The following ARHGAP26 variants were observed in gnomAD, a reference collection of about 807,000 sequenced individuals.
ARHGAP26 encodes the protein rho GTPase-activating protein 26.
In ARHGAP26, 38 loss-of-function variants were observed where a neutral mutation model predicts 104.8. The ratio of observed to expected loss-of-function variants is 0.36; its 90% confidence interval spans 0.28 to 0.48. The LOEUF is 0.48. Among genes scored for constraint, ARHGAP26 ranks in the 20% least tolerant of loss-of-function variants. ARHGAP26 has a pLI of 0.99. For synonymous variants in ARHGAP26, 341 were observed against 340.0 expected (o/e 1.00, Z -0.03); for missense variants, 704 against 947.9 (o/e 0.74, Z 3.38).
intron 17 of ARHGAP26, among the ~76,000 whole-genome samples, chr5:143,095,950 A>G (rs1792246382): frequency 6.6e-6 from 1 of 152,256 alleles, no homozygotes; most frequent in Non-Finnish European, 1.5e-5. Context: ...AAAGGAAGAA[A>G]TATTTTTAGT....
At position 143,227,148 on chromosome 5, in the gene ARHGAP26, C is replaced by T. The variant is rs541538332; in HGVS notation, c.*4702C>T. 4.3e-6 allele frequency: 1 copy of T among 230,310 alleles called. No homozygotes were observed. The highest frequency in any genetic ancestry group is 1.8e-4 in the South Asian group (1 of 5,510). 14.3% of individuals were successfully genotyped at this position (230,310 alleles called of 1,614,324 possible). On this transcript the variant is annotated 3_prime_UTR_variant, in exon 23 of 23. Transcript: ENST00000645722. ...AGTCTGGATGACTGAGTTTTGTGGA[C>T]ATGGCACTCCCGGAGACAGCAGTGG...
chr5:143,035,524 T>G (rs984572653), intron 12 of ARHGAP26, among the ~76,000 whole-genome samples: 5 of 151,786 alleles, frequency 3.3e-5, no homozygotes, highest in African/African-American at 1.2e-4. Flanking sequence ...ACAATGGACT[T>G]TGGGGACGTG....
intron 17 of ARHGAP26, among the ~76,000 whole-genome samples, chr5:143,108,531 G>T (rs1794352383): frequency 6.6e-6 from 1 of 152,152 alleles, no homozygotes. Flanking sequence ...CACTTTGGTA[G>T]ACTGGCCCTT....
intron 12 of ARHGAP26, among the ~76,000 whole-genome samples, chr5:143,034,765 A>G (rs1250731920): frequency 6.6e-6 from 1 of 152,178 alleles, no homozygotes; most frequent in Non-Finnish European, 1.5e-5. Context: ...TGTTATTTAA[A>G]AAAAAAAAAT....
intron 5 of ARHGAP26, 42 bp downstream of exon 5, chr5:142,885,441 G>A (rs774828237): frequency 6.5e-7 from 1 of 1,537,274 alleles, no homozygotes; most frequent in Non-Finnish European, 9.0e-7. Flanking sequence ...TGTTCAATTT[G>A]TACATGATGC....
chr5:143,174,133 C>T (rs1302242682), intron 20 of ARHGAP26, among the ~76,000 whole-genome samples: 1 of 152,148 alleles, frequency 6.6e-6, no homozygotes, highest in Admixed American at 6.5e-5. Flanking sequence ...TCATTCAGTG[C>T]CTCTTCTGTT....
intron 15 of ARHGAP26, among the ~76,000 whole-genome samples, chr5:143,055,557 C>T (rs1289344061): frequency 6.6e-6 from 1 of 152,156 alleles, no homozygotes; most frequent in Non-Finnish European, 1.5e-5. Flanking sequence ...GTTAGGGGTT[C>T]TAGCATTCTG....
At chr5:142,772,880 C>T (rs1465539541) in intron 1 of ARHGAP26, 1 of 533,446 alleles carries the variant, frequency 1.9e-6, no homozygotes, top group Middle Eastern at 3.2e-4. Flanking sequence ...AGTTTTCCTA[C>T]CACTAGTTTT....
At chr5:143,169,312 A>G (rs1266788686) in intron 20 of ARHGAP26, among the ~76,000 whole-genome samples, 1 of 152,210 alleles carries the variant, frequency 6.6e-6, no homozygotes, top group Non-Finnish European at 1.5e-5. Context: ...TTAGGCTAAA[A>G]TGGAACTTAC....
At chr5:143,004,017 C>CAAAAAAAAAAAAAAAAAAAA (rs144058530) in intron 11 of ARHGAP26, among the ~76,000 whole-genome samples, 1 of 118,176 alleles carries the variant, frequency 8.5e-6, no homozygotes. Flanking sequence ...AATTTATAGA[C>CAAAAAAAAAAAAAAAAAAAA]AAAAAAAAAA....
chr5:142,962,072 A>C (rs1446925655), intron 11 of ARHGAP26, among the ~76,000 whole-genome samples: 1 of 152,236 alleles, frequency 6.6e-6, no homozygotes, highest in Non-Finnish European at 1.5e-5. Flanking sequence ...GAGAAACTTC[A>C]AAAGCAAAGC....
chr5:142,956,946 C>T (rs1288311001), intron 11 of ARHGAP26, among the ~76,000 whole-genome samples: 2 of 152,170 alleles, frequency 1.3e-5, no homozygotes, highest in Non-Finnish European at 2.9e-5. Context: ...CAATTATCTC[C>T]CCCTGGGTCC....
intron 5 of ARHGAP26, among the ~76,000 whole-genome samples, chr5:142,889,788 G>A (rs1180668067): frequency 6.6e-6 from 1 of 151,942 alleles, no homozygotes; most frequent in Non-Finnish European, 1.5e-5. Flanking sequence ...GGTTGTGAGT[G>A]TGTCGCAAAA....
intron 17 of ARHGAP26, among the ~76,000 whole-genome samples, chr5:143,096,379 A>G (rs1792314504): frequency 6.6e-6 from 1 of 152,240 alleles, no homozygotes; most frequent in African/African-American, 2.4e-5. Context: ...ATTGCAACAA[A>G]TATTACTGTT....
rs771986560 is a variant in ARHGAP26, at chr5:143,149,455, G to A, written c.1988+2074G>A. On this transcript the variant is annotated intron_variant, in intron 20 of 22. Transcript: ENST00000645722. ...CCCCATAAGCTCTGCAGGCAGGCTC[G>A]CAGCCACTTCTCAAACCCCAGGCAG... Among the ~76,000 whole-genome samples the A allele has an allele frequency of 1.3e-4, 20 of 152,254 alleles. No individual in the cohort carries two copies. The East Asian group carries it at 2.1e-3, about 16-fold the overall frequency.
chr5:143,222,163 CA>C (rs1339014586), intron 22 of ARHGAP26, among the ~76,000 whole-genome samples, 194 bp from the exon 23 acceptor site: 1 of 152,120 alleles, frequency 6.6e-6, no homozygotes, highest in East Asian at 1.9e-4. Context: ...TTATATTCCA[CA>C]AAAGGTTCAG....
Position 143,150,718 on chromosome 5 carries a change from A to G in ARHGAP26, c.1988+3337A>G, listed in dbSNP as rs533283126. On this transcript the variant is annotated intron_variant, in intron 20 of 22. Transcript: ENST00000645722. ...TTCATGCTGGAACAACTGGACATCCATATACACAAAAATGAATCTAGATAC... is the reference window on the plus strand; with the variant it reads ...TTCATGCTGGAACAACTGGACATCCGTATACACAAAAATGAATCTAGATAC... Among the ~76,000 whole-genome samples, 192 of 152,394 alleles carry G rather than the reference A, an allele frequency of 1.3e-3. 1 individual carries two copies. The highest frequency in any genetic ancestry group is 4.4e-3 in the African/African-American group (183 of 41,596).
chr5:143,062,073 G>A (rs1786795167), intron 17 of ARHGAP26, among the ~76,000 whole-genome samples: 1 of 152,190 alleles, frequency 6.6e-6, no homozygotes, highest in African/African-American at 2.4e-5. Context: ...AGCCCACGGT[G>A]TCTACAGCAA....
chr5:143,149,121 C>T (rs1799507044), intron 20 of ARHGAP26, among the ~76,000 whole-genome samples: 1 of 152,052 alleles, frequency 6.6e-6, no homozygotes, highest in Admixed American at 6.5e-5. Flanking sequence ...TCATAACATC[C>T]TGGGAATCGC....
Sources: allele counts gnomAD v4.1 joint callset (sites outside exome capture counted in the v4.1 genomes callset), GRCh38; gene constraint gnomAD v4.1.1; transcripts MANE v1.5; gene names NCBI Gene and HGNC (gene_info 2026-07-23, HGNC 2026-07-21).